PCDH15: variants seen among roughly 807,000 people sequenced by gnomAD.
PCDH15 encodes protocadherin-15.
In PCDH15, 129 loss-of-function variants were observed where a neutral mutation model predicts 178.5. That is an observed-to-expected ratio of 0.72 (90% CI 0.63 to 0.84). PCDH15 has a LOEUF of 0.84. PCDH15 is among the 40% of genes least tolerant of loss of function. PCDH15 has a pLI of 0.00. For missense variants in PCDH15, 2,230 were observed against 2,099.9 expected (o/e 1.06, Z -1.21); for synonymous variants, 800 against 732.0 (o/e 1.09, Z -1.50).
rs74859729 is a variant in PCDH15, at chr10:55,403,303, T to C, written c.-156+224322A>G. 7.9e-3 allele frequency among the ~76,000 whole-genome samples: 1,193 copies of C among 151,904 alleles called. 15 individuals carry two copies. Among genetic ancestry groups the C allele is most frequent in the African/African-American group, 0.026 (1,071 of 41,502 alleles). On this transcript the variant is annotated intron_variant, in intron 2 of 5. Transcript: ENST00000613346. ...TGTCAAATGAAGAGTTTGTAAATAT[T>C]TTCTCCCATGTTACATGTGGTCTCT... is the stretch of plus-strand genomic sequence containing the variant.
intron 33 of PCDH15, chr10:53,818,474 TTGTA>T (rs1407908426): frequency 6.6e-6 from 1 of 152,208 alleles, no homozygotes. Context: ...TTCCAAATGA[TTGTA>T]TGATATTTTC....
chr10:54,591,652 A>G (rs1389463146), intron 2 of PCDH15, among the ~76,000 whole-genome samples: 2 of 152,214 alleles, frequency 1.3e-5, no homozygotes, highest in Non-Finnish European at 2.9e-5. Flanking sequence ...AAACAATTTT[A>G]AAATACATTT....
chr10:55,319,592 A>T (rs1843831800), intron 1 of PCDH15: 1 of 152,112 alleles, frequency 6.6e-6, no homozygotes, highest in African/African-American at 2.4e-5. Flanking sequence ...GGGCTGAAGC[A>T]TGGTACCTGG....
At chr10:55,108,898 C>G (rs1322326319) in intron 2 of PCDH15, among the ~76,000 whole-genome samples, 2 of 152,026 alleles carry the variant, frequency 1.3e-5, no homozygotes, top group African/African-American at 4.8e-5. Flanking sequence ...GAAAAGAGAA[C>G]AGATTTTAGA....
At chr10:55,503,603 A>G (rs1465426125) in intron 2 of PCDH15, among the ~76,000 whole-genome samples, 2 of 151,336 alleles carry the variant, frequency 1.3e-5, no homozygotes, top group Non-Finnish European at 3.0e-5. Flanking sequence ...AGAATAAAAC[A>G]TCATTTATAT....
chr10:55,529,031 A>C (rs554261193), intron 2 of PCDH15, among the ~76,000 whole-genome samples: 1 of 152,166 alleles, frequency 6.6e-6, no homozygotes, highest in East Asian at 1.9e-4. Flanking sequence ...TCTTCTTTTG[A>C]GAAGTGTCTG....
At chr10:53,899,697 T>C (rs963449201) in intron 26 of PCDH15, among the ~76,000 whole-genome samples, 2 of 152,198 alleles carry the variant, frequency 1.3e-5, no homozygotes, top group African/African-American at 4.8e-5. Context: ...TTTAAAATCA[T>C]CTTTCCTTCC....
chr10:54,504,767 A>G (rs2081025681), intron 3 of PCDH15, among the ~76,000 whole-genome samples: 1 of 152,096 alleles, frequency 6.6e-6, no homozygotes. Flanking sequence ...ACACATCTTA[A>G]TAGGTACAGA....
chr10:54,475,001 T>C (rs901263892), intron 3 of PCDH15, among the ~76,000 whole-genome samples: 1 of 152,044 alleles, frequency 6.6e-6, no homozygotes, highest in African/African-American at 2.4e-5. Flanking sequence ...TATTCTGATA[T>C]GTTTTCACAA....
intron 2 of PCDH15, among the ~76,000 whole-genome samples, chr10:55,496,118 C>T (rs759111088): frequency 2.0e-5 from 3 of 151,660 alleles, no homozygotes; most frequent in Non-Finnish European, 2.9e-5. Flanking sequence ...ATTGCACACA[C>T]GTGAACTTAC....
At position 54,135,216 on chromosome 10, in the gene PCDH15, AAT is replaced by A. The variant is rs565657771; in HGVS notation, c.1785-2211_1785-2210del. 6.3e-3 allele frequency among the ~76,000 whole-genome samples: 932 copies of A among 149,068 alleles called. 10 individuals carry two copies. The highest frequency in any genetic ancestry group is 0.021 in the African/African-American group (871 of 41,098). On this transcript the variant is annotated intron_variant, in intron 14 of 37. Transcript: ENST00000644397. ...AGACTCTGTCTCAAAAAAAAAAAAA[AAT>A]TTCATGCTTACATTTATCATGATAT...
At chr10:55,228,436 G>C (rs779049256) in intron 1 of PCDH15, among the ~76,000 whole-genome samples, 19 of 152,004 alleles carry the variant, frequency 1.2e-4, no homozygotes, top group Middle Eastern at 6.8e-3. Flanking sequence ...GCTTCGTAAG[G>C]ACTGCTTGAC....
At chr10:55,399,748 C>G (rs188393176) in intron 2 of PCDH15, among the ~76,000 whole-genome samples, 1,816 of 152,116 alleles carry the variant, frequency 0.012, 44 homozygotes, top group African/African-American at 0.042. Context: ...AAAATTGATT[C>G]TTCATCATAT....
rs548711712 is a variant in PCDH15, at chr10:55,216,427, G to A, written c.-155-49776C>T. On this transcript the variant is annotated intron_variant, in intron 1 of 5. Transcript: ENST00000458638. ...CAAATACGGTATACACCAATTTATAGCTTTGGTAAAGTGCCAAAAAGAAGT... is the reference window on the plus strand; with the variant it reads ...CAAATACGGTATACACCAATTTATAACTTTGGTAAAGTGCCAAAAAGAAGT... Among the ~76,000 whole-genome samples the A allele has an allele frequency of 5.3e-5, 8 of 151,912 alleles. No homozygotes were observed. In the South Asian group the frequency reaches 1.7e-3, roughly 31 times the overall value.
At chr10:55,235,860 C>G (rs1156354384) in intron 1 of PCDH15, among the ~76,000 whole-genome samples, 1 of 141,958 alleles carries the variant, frequency 7.0e-6, no homozygotes, top group Non-Finnish European at 1.5e-5. Context: ...TGAGCCGAGA[C>G]TGCGCCACTG....
chr10:55,482,916 C>A (rs1301284376), intron 2 of PCDH15, among the ~76,000 whole-genome samples: 1 of 151,658 alleles, frequency 6.6e-6, no homozygotes, highest in African/African-American at 2.4e-5. Context: ...AATATGTTTT[C>A]CAACTTGGTT....
chr10:54,582,421 G>A (rs1242644228), intron 2 of PCDH15, among the ~76,000 whole-genome samples: 1 of 152,058 alleles, frequency 6.6e-6, no homozygotes, highest in Non-Finnish European at 1.5e-5. Context: ...AACACCAGAT[G>A]TAAAATGAAG....
chr10:55,242,830 A>T (rs1841587861), intron 1 of PCDH15, among the ~76,000 whole-genome samples: 1 of 152,120 alleles, frequency 6.6e-6, no homozygotes, highest in Non-Finnish European at 1.5e-5. Flanking sequence ...ACAGAGCGAA[A>T]CTCTGTCTCA....
intron 2 of PCDH15, among the ~76,000 whole-genome samples, chr10:55,128,673 C>T (rs1837965335): frequency 6.6e-6 from 1 of 151,976 alleles, no homozygotes. Flanking sequence ...CCTCACTCTG[C>T]CCTCCCTTAA....
Sources: allele counts gnomAD v4.1 joint callset (sites outside exome capture counted in the v4.1 genomes callset), GRCh38; gene constraint gnomAD v4.1.1; transcripts MANE v1.5; gene names NCBI Gene and HGNC (gene_info 2026-07-23, HGNC 2026-07-21).